The following PLAAT1 variants were observed in gnomAD, a reference collection of about 807,000 sequenced individuals.
The protein encoded by PLAAT1 is phospholipase A and acyltransferase 1, also known as H-REV107 protein-related protein.
In PLAAT1, 13 loss-of-function variants were observed where a neutral mutation model predicts 16.4. The observed-to-expected ratio is 0.79, with a 90% CI of 0.52 to 1.26. PLAAT1 has a LOEUF of 1.26. PLAAT1 is among the 50% of genes most tolerant of loss of function. PLAAT1 has a pLI of 0.00. For synonymous variants in PLAAT1, 73 were observed against 78.4 expected, an observed-to-expected ratio of 0.93 and a Z score of 0.36; for missense variants, 218 against 207.8, an observed-to-expected ratio of 1.05 and a Z score of -0.30.
chr3:193,277,047 G>C (rs116667750), intron 2 of PLAAT1, among the ~76,000 whole-genome samples: 71 of 152,258 alleles, frequency 4.7e-4, no homozygotes, highest in African/African-American at 1.6e-3. Context: ...CTTGGCCTGT[G>C]TACCTTTGAC....
intron 3 of PLAAT1, among the ~76,000 whole-genome samples, chr3:193,267,493 T>C (rs893117867): frequency 1.3e-5 from 2 of 152,202 alleles, no homozygotes; most frequent in African/African-American, 4.8e-5. Flanking sequence ...TTCTTTCATG[T>C]AATAATATGT....
At chr3:193,262,923 A>G (rs368434915) in intron 2 of PLAAT1, 47 bp from the exon 3 acceptor site, 88 of 1,593,956 alleles carry the variant, frequency 5.5e-5, no homozygotes, top group Non-Finnish European at 7.3e-5. Flanking sequence ...AGTAGAGTTC[A>G]TTGGACTGGG....
At chr3:193,270,106 T>A (rs946475832) in intron 3 of PLAAT1, among the ~76,000 whole-genome samples, 8 of 116,496 alleles carry the variant, frequency 6.9e-5, no homozygotes, top group African/African-American at 1.8e-4. Flanking sequence ...ACACACACAC[T>A]CTTACACGAT....
At position 193,270,727 on chromosome 3, in the gene PLAAT1, A is replaced by G. The variant is rs1297711170; in HGVS notation, c.*22A>G. 6.2e-7 allele frequency: 1 copy of G among 1,606,278 alleles called. No homozygotes were observed. Among genetic ancestry groups the G allele is most frequent in the Non-Finnish European group, 8.5e-7 (1 of 1,175,896 alleles). ...TTAACAATTTACCAAAGAGATATTG[A>G]TATTGAAGGAATTTGGGAGGAGGAA... On this transcript the variant is annotated 3_prime_UTR_variant, in exon 4 of 4. Transcript: ENST00000264735.
intron 1 of PLAAT1, among the ~76,000 whole-genome samples, chr3:193,246,929 G>A (rs1158719501): frequency 6.6e-6 from 1 of 152,132 alleles, no homozygotes; most frequent in African/African-American, 2.4e-5. Flanking sequence ...AGCTTGAGAA[G>A]GATTGGTATT....
chr3:193,263,526 A>C (rs574709248), intron 3 of PLAAT1, among the ~76,000 whole-genome samples: 4 of 152,194 alleles, frequency 2.6e-5, no homozygotes, highest in Non-Finnish European at 4.4e-5. Flanking sequence ...TTCACCATAC[A>C]GCAGTTTCAA....
intron 2 of PLAAT1, among the ~76,000 whole-genome samples, chr3:193,261,051 G>C (rs1018338166): frequency 6.6e-6 from 1 of 152,088 alleles, no homozygotes; most frequent in African/African-American, 2.4e-5. Flanking sequence ...GTTTAAAAAT[G>C]AGCACAAATT....
At chr3:193,240,994 C>A, upstream of PLAAT1, 1 of 357,588 alleles carries the variant, frequency 2.8e-6, no homozygotes, top group Non-Finnish European at 4.9e-6. Context: ...ACGTCCGAGA[C>A]GCGGGTGCGG....
intron 2 of PLAAT1, among the ~76,000 whole-genome samples, chr3:193,257,836 G>A (rs1233477134): frequency 2.0e-5 from 3 of 152,174 alleles, no homozygotes; most frequent in African/African-American, 7.2e-5. Context: ...CACTGGCTAA[G>A]TCTTCTGGCC....
intron 2 of PLAAT1, among the ~76,000 whole-genome samples, chr3:193,262,156 G>T (rs1311244451): frequency 2.0e-5 from 3 of 152,142 alleles, no homozygotes; most frequent in Non-Finnish European, 1.5e-5. Flanking sequence ...CCAACCTCAA[G>T]TACTGACATT....
upstream of PLAAT1, among the ~76,000 whole-genome samples, chr3:193,240,686 G>GTGTGTGTGTGTGTGT: frequency 2.1e-5 from 1 of 47,176 alleles, no homozygotes; most frequent in East Asian, 6.1e-4. Flanking sequence ...TGTGTGTGTG[G>GTGTGTGTGTGTGTGT]TTGGAGGTCT....
chr3:193,240,686 G>GTGTGTGTGTGC (rs1715685085), upstream of PLAAT1, among the ~76,000 whole-genome samples: 3 of 47,154 alleles, frequency 6.4e-5, no homozygotes, highest in African/African-American at 2.6e-4. Flanking sequence ...TGTGTGTGTG[G>GTGTGTGTGTGC]TTGGAGGTCT....
chr3:193,279,497 T>G, downstream of PLAAT1: 3 of 1,528,166 alleles, frequency 2.0e-6, no homozygotes, highest in Non-Finnish European at 2.7e-6. Flanking sequence ...TAAAAGAATG[T>G]TTCATATAAT....
chr3:193,250,894 A>C (rs1195482002), intron 1 of PLAAT1, among the ~76,000 whole-genome samples: 1 of 151,292 alleles, frequency 6.6e-6, no homozygotes, highest in Non-Finnish European at 1.5e-5. Flanking sequence ...TTCCAGGGCA[A>C]GTCAAGGGAA....
At chr3:193,271,976 T>C (rs13083492), downstream of PLAAT1, among the ~76,000 whole-genome samples, 58,156 of 151,828 alleles carry the variant, frequency 0.38, 12,787 homozygotes, top group Non-Finnish European at 0.48. Flanking sequence ...CTCCCTTTCT[T>C]ATGGCATCAA....
chr3:193,265,406 T>C (rs144035909), intron 3 of PLAAT1, among the ~76,000 whole-genome samples: 67 of 152,282 alleles, frequency 4.4e-4, no homozygotes, highest in Middle Eastern at 3.4e-3. Context: ...TATTATATTA[T>C]TTCATCGATA....
chr3:193,273,361 T>C (rs1717051122), downstream of PLAAT1, among the ~76,000 whole-genome samples: 1 of 152,200 alleles, frequency 6.6e-6, no homozygotes, highest in African/African-American at 2.4e-5. Context: ...TCCAGAGAGC[T>C]GTGAATACAA....
At chr3:193,277,444 GCTAGTTACACAGCCTTTTTT>G (rs1717273153) in intron 2 of PLAAT1, among the ~76,000 whole-genome samples, 1 of 152,124 alleles carries the variant, frequency 6.6e-6, no homozygotes, top group Admixed American at 6.5e-5. Context: ...ATAGCAAAAG[GCTAGTTACACAGCCTTTTTT>G]CTGAGACCCC....
chr3:193,244,833 C>T (rs1289598696), intron 1 of PLAAT1, among the ~76,000 whole-genome samples: 1 of 152,086 alleles, frequency 6.6e-6, no homozygotes, highest in Non-Finnish European at 1.5e-5. Context: ...CCATGATAAT[C>T]CTTTAATCCA....
Sources: allele counts gnomAD v4.1 joint callset (sites outside exome capture counted in the v4.1 genomes callset), GRCh38; gene constraint gnomAD v4.1.1; transcripts MANE v1.5; gene names NCBI Gene and HGNC (gene_info 2026-07-23, HGNC 2026-07-21).